Variants in NAA60 observed in about 807,000 individuals in gnomAD.
NAA60 encodes the protein N-alpha-acetyltransferase 60.
A neutral mutation model predicts 26.1 loss-of-function variants in NAA60; 8 were observed. The observed-to-expected ratio is 0.31, with a 90% CI of 0.18 to 0.55. The LOEUF is 0.55. Among genes scored for constraint, NAA60 ranks in the 20% least tolerant of loss-of-function variants. The pLI, the probability that NAA60 is intolerant of heterozygous loss-of-function variation, is 0.93. For missense variants in NAA60, 290 were observed against 311.3 expected (o/e 0.93, Z 0.51); for synonymous variants, 131 against 122.5 (o/e 1.07, Z -0.46).
At chr16:3,448,856 A>G (rs2034657405) in intron 2 of NAA60, 1 of 249,610 alleles carries the variant, frequency 4.0e-6, no homozygotes, top group East Asian at 1.1e-4. Flanking sequence ...CTCAGGGCAC[A>G]CTGACAATGT....
At chr16:3,483,086 C>T (rs1207589296) in intron 5 of NAA60, among the ~76,000 whole-genome samples, 1 of 152,244 alleles carries the variant, frequency 6.6e-6, no homozygotes, top group African/African-American at 2.4e-5. Flanking sequence ...CTCACATTTA[C>T]CCTGTTTGTT....
intron 1 of NAA60, 90 bp downstream of exon 1, chr16:3,443,927 G>A: frequency 9.7e-6 from 14 of 1,445,402 alleles, no homozygotes; most frequent in South Asian, 2.9e-5. Flanking sequence ...GGCCTAGCCT[G>A]GGCTTGAGCT....
chr16:3,467,890 A>G (rs966678304), intron 2 of NAA60: 2 of 152,234 alleles, frequency 1.3e-5, no homozygotes, highest in Non-Finnish European at 2.9e-5. Flanking sequence ...AAAGCAAGAA[A>G]AAGATGAAGC....
rs753871113 is a variant in NAA60 at position 3,443,775 on chromosome 16, GAGA to G, written c.-133_-131del. Reference sequence around the variant, plus strand: ...GACCCCAGGGGGACGTAATGTTTCCGAGAAGAAGGACAGAAAGAAGACTGGGAG... The same window carrying G: ...GACCCCAGGGGGACGTAATGTTTCCGAGAAGGACAGAAAGAAGACTGGGAG... On this transcript the variant is annotated 5_prime_UTR_variant, in exon 1 of 8. Transcript: ENST00000407558. 2.3e-5 allele frequency: 36 copies of G among 1,534,154 alleles called. No homozygotes were observed. The South Asian group carries it at 3.3e-4, about 14-fold the overall frequency.
intron 2 of NAA60, among the ~76,000 whole-genome samples, chr16:3,472,959 C>T (rs1382259783): frequency 2.0e-5 from 3 of 152,188 alleles, no homozygotes; most frequent in Admixed American, 2.0e-4. Context: ...ACAAGATTAA[C>T]ACCTTCATCT....
At chr16:3,472,874 G>C (rs1418191382) in intron 2 of NAA60, among the ~76,000 whole-genome samples, 1 of 152,140 alleles carries the variant, frequency 6.6e-6, no homozygotes, top group Non-Finnish European at 1.5e-5. Flanking sequence ...TTTTGCCCCT[G>C]CATATTCCAC....
intron 1 of NAA60, among the ~76,000 whole-genome samples, chr16:3,446,298 G>T (rs151234403): frequency 0.024 from 3,649 of 152,196 alleles, 146 homozygotes; most frequent in African/African-American, 0.079. Flanking sequence ...TTGTGAGGCT[G>T]AGGTGGGCAG....
Position 3,485,065 on chromosome 16 carries a change from C to T in NAA60, c.*206+4C>T, listed in dbSNP as rs375834832. ...AGAGCATGCCCATCCGTGGCAGGTA[C>T]GCCACAGCAGACACAAAGGTATGGG... On this transcript the variant is annotated splice_donor_region_variant and intron_variant, in intron 7 of 7. Transcript: ENST00000407558. 149 of 1,439,564 alleles carry T rather than the reference C, an allele frequency of 1.0e-4. 1 individual carries two copies. In the African/African-American group the frequency reaches 1.6e-3, roughly 15 times the overall value. The allele number at this position is 1,439,564 out of a possible 1,614,324, so 89.2% of individuals were successfully genotyped here. A position where few individuals can be genotyped will look rare whatever the true frequency, so the allele number is the denominator to read the frequency against.
In NAA60 at chr16:3,484,912, T is replaced by C. The variant is rs369933271; in HGVS notation, c.*57T>C. ...CCTTCGGCCGCCCGCAGAGCCCGCC[T>C]TCCTGTCCATCTGACCCCTTCTGTT... On this transcript the variant is annotated 3_prime_UTR_variant, in exon 7 of 8. Coordinates refer to ENST00000407558, the MANE Select transcript of NAA60 (RefSeq NM_001083601.3). 162 of 1,547,330 alleles carry C rather than the reference T, an allele frequency of 1.0e-4. No individual in the cohort carries two copies. The East Asian group carries it at 2.7e-3, about 26-fold the overall frequency.
Position 3,476,232 on chromosome 16 carries a change from C to T in NAA60, c.5C>T (p.Thr2Ile). 1 of 1,598,858 alleles carries T rather than the reference C, an allele frequency of 6.3e-7. No homozygotes were observed. Among genetic ancestry groups the T allele is most frequent in the South Asian group, 1.1e-5 (1 of 90,418 alleles). ...CACCCTTCCCCACAGGTGTGAATGACAGAGGTGGTGCCATCCAGCGCGCTC... is the reference window on the plus strand; with the variant it reads ...CACCCTTCCCCACAGGTGTGAATGATAGAGGTGGTGCCATCCAGCGCGCTC... M[T>I]EVVPSSALSE... Residue 2 changes from threonine to isoleucine, a missense_variant, in exon 3 of 8, where the codon ACA becomes ATA. Thr to Ile is a moderately conservative substitution (Grantham distance 89). Transcript: ENST00000407558.
intron 2 of NAA60, among the ~76,000 whole-genome samples, chr16:3,454,939 G>T (rs1473919033): frequency 1.3e-5 from 2 of 152,220 alleles, no homozygotes; most frequent in African/African-American, 4.8e-5. Flanking sequence ...GTGACACATG[G>T]TGCCTAACCG....
Position 3,479,467 on chromosome 16 carries a change from T to G in NAA60, c.111-4T>G. On this transcript the variant is annotated splice_polypyrimidine_tract_variant and splice_region_variant and intron_variant, in intron 3 of 7. Transcript: ENST00000407558. ...GGTTCACCTGAGTATGTTCTGTTTC[T>G]CAGGTACCCAGACTCATGGTATCGT... is the stretch of plus-strand genomic sequence containing the variant. 4 of 1,613,786 alleles carry G rather than the reference T, an allele frequency of 2.5e-6. No homozygotes were observed. Among genetic ancestry groups the G allele is most frequent in the Non-Finnish European group, 3.4e-6 (4 of 1,179,748 alleles).
chr16:3,455,205 C>G (rs537008153), intron 2 of NAA60, among the ~76,000 whole-genome samples: 2 of 152,012 alleles, frequency 1.3e-5, no homozygotes, highest in Admixed American at 1.3e-4. Context: ...GCATGTACCA[C>G]CATGCTCAGC....
chr16:3,483,299 C>A, intron 5 of NAA60, 64 bp from the exon 6 acceptor site: 2 of 1,241,166 alleles, frequency 1.6e-6, no homozygotes, highest in Non-Finnish European at 2.3e-6. Context: ...AGCCCCCATC[C>A]TAGCCCAGTC....
intron 2 of NAA60, among the ~76,000 whole-genome samples, chr16:3,464,136 C>G (rs1314888984): frequency 6.6e-6 from 1 of 152,088 alleles, no homozygotes; most frequent in African/African-American, 2.4e-5. Flanking sequence ...TGGGTTCAAA[C>G]GATTCTCCTG....
chr16:3,450,716 A>G (rs1223107710), intron 2 of NAA60, among the ~76,000 whole-genome samples: 1 of 147,808 alleles, frequency 6.8e-6, no homozygotes, highest in African/African-American at 2.6e-5. Flanking sequence ...AAAAAAAAAA[A>G]AAAAAAAAGA....
At chr16:3,473,138 C>T (rs934368750) in intron 2 of NAA60, among the ~76,000 whole-genome samples, 3 of 152,104 alleles carry the variant, frequency 2.0e-5, no homozygotes, top group African/African-American at 7.2e-5. Context: ...CGGGTTCAAG[C>T]GATTCTTGAA....
At chr16:3,474,494 C>T (rs781215009) in intron 2 of NAA60, among the ~76,000 whole-genome samples, 14 of 152,216 alleles carry the variant, frequency 9.2e-5, no homozygotes, top group Non-Finnish European at 1.6e-4. Context: ...CCAGATTCAG[C>T]GTCTAAATTC....
At chr16:3,475,445 T>A (rs2036419475) in intron 2 of NAA60, among the ~76,000 whole-genome samples, 1 of 151,300 alleles carries the variant, frequency 6.6e-6, no homozygotes, top group South Asian at 2.1e-4. Flanking sequence ...GCTTCTGTTT[T>A]CCCCTTCTCG....
Sources: gnomAD v4.1 joint callset for allele counts (sites outside exome capture counted in the v4.1 genomes callset) on GRCh38, gnomAD v4.1.1 for gene constraint, MANE v1.5 for transcripts, NCBI Gene and HGNC (gene_info 2026-07-23, HGNC 2026-07-21) for gene names.